Variants in AQP1 observed in about 807,000 individuals in gnomAD.
AQP1 encodes the protein aquaporin-1.
Under a neutral mutation model 19.7 loss-of-function variants are expected in AQP1, and 11 were observed. The ratio of observed to expected loss-of-function variants is 0.56; its 90% CI spans 0.35 to 0.92. AQP1 has a LOEUF of 0.92. Ranked by LOEUF, AQP1 falls within the 40% of genes least tolerant of loss-of-function variation. The pLI is 0.01. For synonymous variants in AQP1, 159 were observed against 166.7 expected, an observed-to-expected ratio of 0.95 and a Z score of 0.36; for missense variants, 320 against 369.7, an observed-to-expected ratio of 0.87 and a Z score of 1.10.
rs1334004771 is a variant in AQP1 at position 30,921,669 on chromosome 7, C to A, written c.385-397C>A. On this transcript the variant is annotated intron_variant, in intron 1 of 3. Transcript: ENST00000311813. ...GCTGGGCCTTCCCACCTTTTTGCAT[C>A]TCTTCTCCTAGGAGTGCTCCTGACC... 6 of 1,550,878 alleles carry A rather than the reference C, an allele frequency of 3.9e-6. No individual in the cohort carries two copies. The African/African-American group carries it at 8.2e-5, about 21-fold the overall frequency.
chr7:30,917,003 T>C lies in AQP1; in HGVS notation c.384+4710T>C, dbSNP rs143954938. 6.4e-3 allele frequency among the ~76,000 whole-genome samples: 968 copies of C among 151,966 alleles called. 10 individuals carry two copies. Among genetic ancestry groups the C allele is most frequent in the African/African-American group, 0.022 (922 of 41,422 alleles). On this transcript the variant is annotated intron_variant, in intron 1 of 3. Coordinates refer to ENST00000311813, the MANE Select transcript of AQP1 (RefSeq NM_198098.4). ...GCCTGCGGGGGATCCTGTGCTTAGG[T>C]TTCTGGATCTGGGGCTGGAGAGTGA...
intron 1 of AQP1, among the ~76,000 whole-genome samples, chr7:30,914,714 G>A (rs1214539916): frequency 6.6e-6 from 1 of 152,236 alleles, no homozygotes; most frequent in African/African-American, 2.4e-5. Context: ...AGCCTCTCTG[G>A]CCCTGAGCCC....
rs1195856342 is a variant in AQP1, at chr7:30,923,765, G to T, written c.*136G>T. 2.7e-6 allele frequency: 4 copies of T among 1,506,144 alleles called. No homozygotes were observed. The highest frequency in any genetic ancestry group is 3.6e-6 in the Non-Finnish European group (4 of 1,124,024). 93.3% of individuals were successfully genotyped at this position (1,506,144 alleles called of 1,614,324 possible). On this transcript the variant is annotated 3_prime_UTR_variant, in exon 4 of 4. Coordinates refer to ENST00000311813, the MANE Select transcript of AQP1 (RefSeq NM_198098.4). The surrounding 1 kb of genome is among the most constrained non-coding windows in gnomAD (Gnocchi z 4.8). ...TCCCCAAGATCTGCCAGACCTGCAT[G>T]GTCAAGCCTCTTATGGGGGTGTTTC...
chr7:30,922,361 C>T, intron 2 of AQP1, 131 bp downstream of exon 2: 1 of 1,399,308 alleles, frequency 7.1e-7, no homozygotes, highest in Non-Finnish European at 9.7e-7. Context: ...CGGGTCAGCG[C>T]TGGGGGCTGG....
At chr7:30,917,678 G>T (rs1032402122) in intron 1 of AQP1, among the ~76,000 whole-genome samples, 2 of 152,144 alleles carry the variant, frequency 1.3e-5, no homozygotes, top group African/African-American at 2.4e-5. Flanking sequence ...TCCCAGGGAG[G>T]CCGAGGCACT....
At chr7:30,922,010 G>A in intron 1 of AQP1, 56 bp from the exon 2 acceptor site, 1 of 1,608,764 alleles carries the variant, frequency 6.2e-7, no homozygotes, top group South Asian at 1.1e-5. Context: ...TGGGGTCCTG[G>A]GACACAGTCC....
In AQP1 at chr7:30,921,711, G is replaced by A. The variant is rs144480541; in HGVS notation, c.385-355G>A. ...CTCCTGACCATCACCTTCATGCCTG[G>A]GGCTCGCCCCTTGCCTCTGGTCTTG... is the stretch of plus-strand genomic sequence containing the variant. On this transcript the variant is annotated intron_variant, in intron 1 of 3. Coordinates refer to ENST00000311813, the MANE Select transcript of AQP1 (RefSeq NM_198098.4). The A allele has an allele frequency of 1.9e-5, 29 of 1,551,020 alleles. No individual in the cohort carries two copies. In the African/African-American group the frequency reaches 3.6e-4, roughly 19 times the overall value.
Position 30,912,350 on chromosome 7 carries a change from G to T in AQP1, c.384+57G>T. ...TCTAGAATGATGCTGAAAGGCACTG[G>T]TTCCATCCTCTGCCCATTGTGCAGA... On this transcript the variant is annotated intron_variant, in intron 1 of 3. Transcript: ENST00000311813. The surrounding 1 kb of genome is among the most constrained non-coding windows in gnomAD (Gnocchi z 4.3). 1 of 1,578,298 alleles carries T rather than the reference G, an allele frequency of 6.3e-7. No individual in the cohort carries two copies. The highest frequency in any genetic ancestry group is 1.1e-5 in the South Asian group (1 of 88,054).
At position 30,916,530 on chromosome 7, in the gene AQP1, C is replaced by T. The variant is rs28362714; in HGVS notation, c.384+4237C>T. Among the ~76,000 whole-genome samples the T allele has an allele frequency of 2.8e-3, 433 of 152,328 alleles. 2 individuals are homozygous for T. The highest frequency in any genetic ancestry group is 9.9e-3 in the African/African-American group (413 of 41,582). ...CCAGGATCCCCTCAGTCAGGGCTTCCCCATGGGGATGAGAGGGGCTCCTTG... is the reference window on the plus strand; with the variant it reads ...CCAGGATCCCCTCAGTCAGGGCTTCTCCATGGGGATGAGAGGGGCTCCTTG... On this transcript the variant is annotated intron_variant, in intron 1 of 3. Transcript: ENST00000311813.
At chr7:30,918,335 C>T (rs1453620117) in intron 1 of AQP1, among the ~76,000 whole-genome samples, 3 of 152,190 alleles carry the variant, frequency 2.0e-5, no homozygotes, top group African/African-American at 7.2e-5. Flanking sequence ...GTGTAATAAA[C>T]CACTTACAAT....
Position 30,923,509 on chromosome 7 carries a change from C to T in AQP1, c.690C>T (p.Ile230=). The part of the protein sequence containing the change: ...GALAVLIYDF[I]LAPRSSDLTD... ...TGGCTGTACTCATCTACGACTTCAT[C>T]CTGGCCCCACGCAGCAGTGACCTCA... Residue 230 remains isoleucine, a synonymous_variant, in exon 4 of 4, where the codon ATC becomes ATT. Transcript: ENST00000311813. The surrounding 1 kb of genome is among the most constrained non-coding windows in gnomAD (Gnocchi z 4.8). 1 of 1,614,128 alleles carries T rather than the reference C, an allele frequency of 6.2e-7. No homozygotes were observed. Among genetic ancestry groups the T allele is most frequent in the Non-Finnish European group, 8.5e-7 (1 of 1,180,024 alleles).
At position 30,912,064 on chromosome 7, in the gene AQP1, T is replaced by A; in HGVS notation, c.155T>A (p.Val52Glu). The A allele has an allele frequency of 6.2e-7, 1 of 1,613,360 alleles. No homozygotes were observed. Among genetic ancestry groups the A allele is most frequent in the South Asian group, 1.1e-5 (1 of 91,082 alleles). The change falls in exon 1 of 4, where the codon GTG becomes GAG. Residue 52 changes from valine (V) to glutamate (E), a missense_variant. Coordinates refer to ENST00000311813, the MANE Select transcript of AQP1 (RefSeq NM_198098.4). This position sits in a 1 kb window ranked among gnomAD's most constrained non-coding sequence, Gnocchi z 4.3. ...ACGGCGGTCCAGGACAACGTGAAGG[T>A]GTCGCTGGCCTTCGGGCTGAGCATC... ...NQTAVQDNVK[V>E]SLAFGLSIAT... is the part of the protein sequence containing the mutation.
In AQP1 at chr7:30,921,641, C is replaced by T. The variant is rs773657460; in HGVS notation, c.385-425C>T. On this transcript the variant is annotated intron_variant, in intron 1 of 3. Coordinates refer to ENST00000311813, the MANE Select transcript of AQP1 (RefSeq NM_198098.4). ...GACTTTTGGGTATGAAGCCGTGTCCCCTGCTGGGCCTTCCCACCTTTTTGC... is the reference window on the plus strand; with the variant it reads ...GACTTTTGGGTATGAAGCCGTGTCCTCTGCTGGGCCTTCCCACCTTTTTGC... The T allele has an allele frequency of 1.9e-6, 3 of 1,550,790 alleles. No individual in the cohort carries two copies. The South Asian group carries it at 3.6e-5, about 18-fold the overall frequency.
chr7:30,918,209 G>A (rs932844458), intron 1 of AQP1, among the ~76,000 whole-genome samples: 4 of 152,142 alleles, frequency 2.6e-5, no homozygotes, highest in Admixed American at 1.3e-4. Flanking sequence ...AGCCAGGATG[G>A]TCTCGATCTC....
Position 30,912,496 on chromosome 7 carries a change from A to G in AQP1, c.384+203A>G, listed in dbSNP as rs1022443405. Among the ~76,000 whole-genome samples, 7 of 152,204 alleles carry G rather than the reference A, an allele frequency of 4.6e-5. No homozygotes were observed. The highest frequency in any genetic ancestry group is 1.7e-4 in the African/African-American group (7 of 41,466). ...TCCCAAAGCCTGTTTTCTGCCAGGC[A>G]CTGTGGGAAGCTGAGATCCAGAGAA... On this transcript the variant is annotated intron_variant, in intron 1 of 3. Coordinates refer to ENST00000311813, the MANE Select transcript of AQP1 (RefSeq NM_198098.4). This position sits in a 1 kb window ranked among gnomAD's most constrained non-coding sequence, Gnocchi z 4.3.
At position 30,916,695 on chromosome 7, in the gene AQP1, G is replaced by A. The variant is rs375637439; in HGVS notation, c.384+4402G>A. ...CCGGAAAGGCCGGAAAATGCCCCCGGCCCTTCCAGCAGCTCCTTTCAGTGC... is the reference window on the plus strand; with the variant it reads ...CCGGAAAGGCCGGAAAATGCCCCCGACCCTTCCAGCAGCTCCTTTCAGTGC... On this transcript the variant is annotated intron_variant, in intron 1 of 3. Transcript: ENST00000311813. 3.9e-5 allele frequency among the ~76,000 whole-genome samples: 6 copies of A among 152,324 alleles called. No homozygotes were observed. The South Asian group carries it at 1.0e-3, about 26-fold the overall frequency.
chr7:30,922,152 C>A lies in AQP1; in HGVS notation c.471C>A (p.Thr157=), dbSNP rs150107539. ...TGGTGCTATGCGTGCTGGCTACTAC[C>A]GACCGGAGGCGCCGTGACCTTGGTG... The part of the protein sequence containing the change: ...LQLVLCVLAT[T]DRRRRDLGGS... The change falls in exon 2 of 4, where the codon ACC becomes ACA. Residue 157 remains threonine (T), a synonymous_variant. Transcript: ENST00000311813. The A allele has an allele frequency of 6.2e-7, 1 of 1,613,788 alleles. No homozygotes were observed. The highest frequency in any genetic ancestry group is 8.5e-7 in the Non-Finnish European group (1 of 1,180,020).
Position 30,923,467 on chromosome 7 carries a change from A to T in AQP1, c.648A>T (p.Pro216=), listed in dbSNP as rs775705720. The T allele has an allele frequency of 3.1e-6, 5 of 1,613,820 alleles. No homozygotes were observed. The highest frequency in any genetic ancestry group is 8.5e-7 in the Non-Finnish European group (1 of 1,179,952). Residue 216 remains proline, a synonymous_variant, in exon 4 of 4, where the codon CCA becomes CCT. Coordinates refer to ENST00000311813, the MANE Select transcript of AQP1 (RefSeq NM_198098.4). This position sits in a 1 kb window ranked among gnomAD's most constrained non-coding sequence, Gnocchi z 4.8. The part of the protein sequence containing the change: ...FSNHWIFWVG[P]FIGGALAVLI... ...GTTCCTAGATTTTCTGGGTGGGGCC[A>T]TTCATCGGGGGAGCCCTGGCTGTAC... is the stretch of plus-strand genomic sequence containing the variant.
At chr7:30,913,955 G>A (rs541097444) in intron 1 of AQP1, among the ~76,000 whole-genome samples, 1 of 152,290 alleles carries the variant, frequency 6.6e-6, no homozygotes, top group South Asian at 2.1e-4. Context: ...GGCTGGGGGA[G>A]CGTCCCTGTA....
Sources: allele counts gnomAD v4.1 joint callset (sites outside exome capture counted in the v4.1 genomes callset), GRCh38; gene constraint gnomAD v4.1.1; non-coding constraint Gnocchi (gnomAD v3.1); transcripts MANE v1.5; gene names NCBI Gene and HGNC (gene_info 2026-07-23, HGNC 2026-07-21).